GOLGB1: variants seen among roughly 807,000 people sequenced by gnomAD.
The protein encoded by GOLGB1 is golgin subfamily B member 1.
GOLGB1 carries 174 observed loss-of-function variants against 336.9 expected under a neutral mutation model. The ratio of observed to expected loss-of-function variants is 0.52; its 90% CI spans 0.46 to 0.59. The LOEUF is 0.59. Ranked by LOEUF, GOLGB1 falls within the 20% of genes least tolerant of loss-of-function variation. GOLGB1 has a pLI of 0.00. For missense variants in GOLGB1, 3,331 were observed against 3,645.3 expected (o/e 0.91, Z 2.22); for synonymous variants, 1,208 against 1,289.2 (o/e 0.94, Z 1.35).
chr3:121,742,593 G>A (rs1457719766), intron 1 of GOLGB1, among the ~76,000 whole-genome samples: 5 of 152,076 alleles, frequency 3.3e-5, no homozygotes, highest in Non-Finnish European at 1.5e-5. Context: ...AAAAGCAATG[G>A]CAAAAAAAGC....
intron 14 of GOLGB1, among the ~76,000 whole-genome samples, chr3:121,689,441 GCTTGAAGGCAGCAT>G (rs1942200338): frequency 1.3e-5 from 2 of 150,154 alleles, no homozygotes; most frequent in Non-Finnish European, 3.0e-5. Context: ...TTAAACAGAT[GCTTGAAGGCAGCAT>G]GCTCGTTAAG....
At chr3:121,683,513 A>G (rs540771512) in intron 14 of GOLGB1, among the ~76,000 whole-genome samples, 1 of 152,306 alleles carries the variant, frequency 6.6e-6, no homozygotes, top group Non-Finnish European at 1.5e-5. Flanking sequence ...AGGGCTACCA[A>G]TAAGCTCAAT....
intron 8 of GOLGB1, among the ~76,000 whole-genome samples, chr3:121,717,754 A>T (rs187879658): frequency 1.3e-5 from 2 of 152,346 alleles, no homozygotes. Context: ...TAACTGATGA[A>T]AAAGAAACTC....
chr3:121,736,209 AAAAATGGAGCTT>A, intron 1 of GOLGB1, among the ~76,000 whole-genome samples: 1 of 152,284 alleles, frequency 6.6e-6, no homozygotes. Flanking sequence ...GTCCCCCTCT[AAAAATGGAGCTT>A]AATTCCCTCT....
intron 10 of GOLGB1, among the ~76,000 whole-genome samples, chr3:121,706,455 G>A (rs1175564121): frequency 2.0e-5 from 3 of 151,946 alleles, no homozygotes; most frequent in African/African-American, 7.3e-5. Context: ...AAAATGCAAG[G>A]GCCGGGTGCA....
intron 20 of GOLGB1, among the ~76,000 whole-genome samples, chr3:121,667,097 C>T (rs1221515778): frequency 2.0e-5 from 3 of 152,234 alleles, no homozygotes; most frequent in Non-Finnish European, 4.4e-5. Flanking sequence ...GTCTTTTAAT[C>T]TCTCAATCTT....
Position 121,691,807 on chromosome 3 carries a change from G to C in GOLGB1, c.7557C>G (p.Gly2519=), listed in dbSNP as rs554106171. Residue 2519 remains glycine (G), a synonymous_variant, in exon 14 of 22, where the codon GGC becomes GGG. Transcript: ENST00000614479. ...TGAGATCATCCATATGACTTCTCAA[G>C]CCTCGTATTTCTTCTTTAAGCTTAT... is the stretch of plus-strand genomic sequence containing the variant. The part of the protein sequence containing the change: ...ENNKLKEEIR[G]LRSHMDDLNS... 9.3e-6 allele frequency: 15 copies of C among 1,613,778 alleles called. No homozygotes were observed. In the African/African-American group the frequency reaches 1.6e-4, roughly 17 times the overall value.
At position 121,698,103 on chromosome 3, in the gene GOLGB1, C is replaced by A. The variant is rs2107866402; in HGVS notation, c.2420G>T (p.Ser807Ile). The part of the protein sequence containing the change: ...NLLTEQIHSL[S>I]IEAKSKDVKI... ...CACATCTTTAGATTTGGCTTCTATG[C>A]TGAGACTATGGATCTGTTCAGTGAG... The change falls in exon 13 of 22, where the codon AGC (serine) becomes ATC (isoleucine). Residue 807 changes from serine (S) to isoleucine (I), a missense_variant. Coordinates refer to ENST00000614479, the MANE Select transcript of GOLGB1 (RefSeq NM_001366282.2). The A allele has an allele frequency of 1.2e-6, 2 of 1,613,940 alleles. No individual in the cohort carries two copies. Among genetic ancestry groups the A allele is most frequent in the East Asian group, 4.5e-5 (2 of 44,878 alleles).
At position 121,691,538 on chromosome 3, in the gene GOLGB1, A is replaced by G. The variant is rs762444342; in HGVS notation, c.7826T>C (p.Ile2609Thr). 2 of 1,612,396 alleles carry G rather than the reference A, an allele frequency of 1.2e-6. No individual in the cohort carries two copies. The highest frequency in any genetic ancestry group is 1.3e-5 in the African/African-American group (1 of 74,738). Residue 2609 changes from isoleucine (I) to threonine (T), a missense_variant, in exon 14 of 22, where the codon ATT (isoleucine) becomes ACT (threonine). Coordinates refer to ENST00000614479, the MANE Select transcript of GOLGB1 (RefSeq NM_001366282.2). Reference protein sequence around the residue: ...QEEKQDLSKEIESLKVSISQL... With the variant: ...QEEKQDLSKETESLKVSISQL... ...GGATATAGATACTTTCAAACTCTCA[A>G]TCTCTTTAGATAAATCTTGTTTCTC...
chr3:121,704,273 C>T (rs898762427), intron 10 of GOLGB1, among the ~76,000 whole-genome samples: 4 of 151,948 alleles, frequency 2.6e-5, no homozygotes, highest in South Asian at 2.1e-4. Context: ...TCAAACATAA[C>T]GTTATATACG....
At chr3:121,688,960 G>T in intron 14 of GOLGB1, among the ~76,000 whole-genome samples, 1 of 151,642 alleles carries the variant, frequency 6.6e-6, no homozygotes, top group Non-Finnish European at 1.5e-5. Context: ...CAACCACCCC[G>T]TCTGGGAAGT....
At chr3:121,728,570 G>T (rs756526551) in intron 4 of GOLGB1, among the ~76,000 whole-genome samples, 1 of 152,184 alleles carries the variant, frequency 6.6e-6, no homozygotes, top group Non-Finnish European at 1.5e-5. Flanking sequence ...ATACAGGAAA[G>T]ATAATGAAAA....
At chr3:121,705,515 G>A (rs756624053) in intron 10 of GOLGB1, among the ~76,000 whole-genome samples, 26 of 152,232 alleles carry the variant, frequency 1.7e-4, no homozygotes, top group Non-Finnish European at 3.1e-4. Flanking sequence ...CATGCCTTAA[G>A]AGAGTTTTCA....
At chr3:121,721,536 AG>A in intron 6 of GOLGB1, among the ~76,000 whole-genome samples, 1 of 152,286 alleles carries the variant, frequency 6.6e-6, no homozygotes, top group African/African-American at 2.4e-5. Context: ...AGCTGAGGTG[AG>A]TGAGAGGATG....
chr3:121,674,060 T>C (rs1211117404), intron 17 of GOLGB1, among the ~76,000 whole-genome samples: 1 of 152,242 alleles, frequency 6.6e-6, no homozygotes, highest in Non-Finnish European at 1.5e-5. Flanking sequence ...TTGTTTGCTG[T>C]TGGCATATAT....
At chr3:121,689,903 G>A (rs975919602) in intron 14 of GOLGB1, among the ~76,000 whole-genome samples, 5 of 152,204 alleles carry the variant, frequency 3.3e-5, no homozygotes, top group Non-Finnish European at 5.9e-5. Context: ...CAGGAGGACT[G>A]CTTGAGCCTA....
chr3:121,694,761 T>A lies in GOLGB1; in HGVS notation c.5762A>T (p.Glu1921Val), dbSNP rs1400777714. Residue 1921 changes from glutamate (E) to valine (V), a missense_variant, in exon 13 of 22, where the codon GAA becomes GTA. Physicochemically the swap from Glu to Val is moderately radical, Grantham distance 121. Coordinates refer to ENST00000614479, the MANE Select transcript of GOLGB1 (RefSeq NM_001366282.2). ...SRVTKLKETAEEEKDDLEERL... is the reference protein window; with the variant it reads ...SRVTKLKETAVEEKDDLEERL... ...CTCTTCCAAATCATCTTTCTCTTCT[T>A]CTGCTGTCTCCTTTAGTTTGGTAAC... 1 of 1,612,864 alleles carries A rather than the reference T, an allele frequency of 6.2e-7. No individual in the cohort carries two copies. Among genetic ancestry groups the A allele is most frequent in the Non-Finnish European group, 8.5e-7 (1 of 1,179,872 alleles).
intron 14 of GOLGB1, among the ~76,000 whole-genome samples, chr3:121,682,869 AG>A (rs1268275791): frequency 5.9e-5 from 9 of 152,134 alleles, no homozygotes; most frequent in Non-Finnish European, 1.5e-5. Flanking sequence ...CTGAGAAAGC[AG>A]AATCTAAAGC....
In GOLGB1 at chr3:121,715,056, G is replaced by A. The variant is rs551801486; in HGVS notation, c.1289-80C>T. Reference sequence around the variant, plus strand: ...TATTATTATCTTCTAAAGATACACTGTATGCTGTTTACTAGTTTAGTTTCC... The same window carrying A: ...TATTATTATCTTCTAAAGATACACTATATGCTGTTTACTAGTTTAGTTTCC... On this transcript the variant is annotated intron_variant, in intron 9 of 21. Transcript: ENST00000614479. 6.5e-6 allele frequency: 5 copies of A among 764,416 alleles called. No homozygotes were observed. In the East Asian group the frequency reaches 1.0e-4, roughly 16 times the overall value. 47.4% of individuals were successfully genotyped at this position (764,416 alleles called of 1,614,324 possible). A position where few individuals can be genotyped will look rare whatever the true frequency, so the allele number is the denominator to read the frequency against.
Sources: allele counts gnomAD v4.1 joint callset (sites outside exome capture counted in the v4.1 genomes callset), GRCh38; gene constraint gnomAD v4.1.1; transcripts MANE v1.5; gene names NCBI Gene and HGNC (gene_info 2026-07-23, HGNC 2026-07-21).